The following UBE3C variants were observed in gnomAD, a reference collection of about 807,000 sequenced individuals.
UBE3C encodes the protein ubiquitin-protein ligase E3C.
UBE3C carries 42 observed loss-of-function variants against 129.4 expected under a neutral mutation model. The ratio of observed to expected loss-of-function variants is 0.32; its 90% CI spans 0.25 to 0.42. The LOEUF is 0.42. Ranked by LOEUF, UBE3C falls within the 10% of genes least tolerant of loss-of-function variation. The pLI is 1.00. For synonymous variants in UBE3C, 510 were observed against 492.4 expected (o/e 1.04, Z -0.47); for missense variants, 1,049 against 1,319.1 (o/e 0.80, Z 3.17).
chr7:157,253,912 A>T (rs1796679514), intron 19 of UBE3C, 42 bp from the exon 20 acceptor site: 1 of 1,518,878 alleles, frequency 6.6e-7, no homozygotes, highest in South Asian at 1.3e-5. Context: ...ACCTATTATC[A>T]TACTTTGAGG....
rs374453720 is a variant in UBE3C at position 157,254,200 on chromosome 7, T to C, written c.2884-44T>C. On this transcript the variant is annotated intron_variant, in intron 20 of 22. Transcript: ENST00000348165. ...TGTCACAGGAAATGAACAGGCTTTC[T>C]TAAAATTTACCTCAAATGTTATTAT... 443 of 1,607,714 alleles carry C rather than the reference T, an allele frequency of 2.8e-4. 5 individuals are homozygous for C. The Middle Eastern group carries it at 6.5e-3, about 23-fold the overall frequency.
intron 1 of UBE3C, among the ~76,000 whole-genome samples, chr7:157,139,844 G>A (rs1379265668): frequency 6.6e-6 from 1 of 152,258 alleles, no homozygotes; most frequent in African/African-American, 2.4e-5. Context: ...GTTGTAGAAG[G>A]TGAACGGCAC....
At chr7:157,194,818 T>C (rs1249891014) in intron 10 of UBE3C, among the ~76,000 whole-genome samples, 1 of 152,206 alleles carries the variant, frequency 6.6e-6, no homozygotes, top group African/African-American at 2.4e-5. Context: ...TAAAGCAGAA[T>C]TTTTAAGTGA....
At chr7:157,253,157 A>C in intron 19 of UBE3C, among the ~76,000 whole-genome samples, 1 of 152,234 alleles carries the variant, frequency 6.6e-6, no homozygotes, top group East Asian at 1.9e-4. Flanking sequence ...TTATGAATTC[A>C]TATAATCATG....
intron 14 of UBE3C, among the ~76,000 whole-genome samples, chr7:157,218,967 A>C (rs1381150605): frequency 1.3e-5 from 2 of 152,234 alleles, no homozygotes; most frequent in Non-Finnish European, 2.9e-5. Context: ...TCAAGCATTT[A>C]ACCCACCTTT....
intron 1 of UBE3C, among the ~76,000 whole-genome samples, chr7:157,148,777 C>T (rs927125574): frequency 6.3e-5 from 9 of 143,052 alleles, no homozygotes; most frequent in Non-Finnish European, 1.2e-4. Context: ...CTCACTGTGT[C>T]GCCCAGGCTG....
chr7:157,162,756 G>C (rs67286782), intron 1 of UBE3C, among the ~76,000 whole-genome samples: 6,974 of 151,662 alleles, frequency 0.046, 213 homozygotes, highest in Non-Finnish European at 0.071. Flanking sequence ...GTGCTCAAGT[G>C]ATTCTCCTGC....
intron 10 of UBE3C, chr7:157,197,733 T>G: frequency 1.2e-6 from 2 of 1,610,984 alleles, no homozygotes; most frequent in East Asian, 4.5e-5. Context: ...AGGACAAGAC[T>G]GTACAATAAA....
chr7:157,230,224 G>A (rs1017619945), intron 17 of UBE3C, among the ~76,000 whole-genome samples: 2 of 151,860 alleles, frequency 1.3e-5, no homozygotes, highest in Admixed American at 6.6e-5. Context: ...TTTACTCTTC[G>A]TAGCAAATTA....
chr7:157,230,688 C>A (rs1795998750), intron 17 of UBE3C, among the ~76,000 whole-genome samples: 1 of 131,056 alleles, frequency 7.6e-6, no homozygotes, highest in African/African-American at 2.7e-5. Context: ...GAGGCAGACC[C>A]CGTCTCAAAA....
At chr7:157,165,715 A>G (rs1808195345) in intron 2 of UBE3C, among the ~76,000 whole-genome samples, 1 of 152,000 alleles carries the variant, frequency 6.6e-6, no homozygotes, top group Non-Finnish European at 1.5e-5. Flanking sequence ...AAATACATCC[A>G]TTGACTTCGT....
chr7:157,250,209 TTTG>T (rs754565800), intron 19 of UBE3C, among the ~76,000 whole-genome samples: 117 of 152,120 alleles, frequency 7.7e-4, no homozygotes, highest in South Asian at 4.8e-3. Context: ...CATATGGGGC[TTTG>T]TTGTTGTTGT....
intron 1 of UBE3C, 88 bp downstream of exon 1, chr7:157,139,426 GACTCGGGGCCGA>G: frequency 7.9e-7 from 1 of 1,260,414 alleles, no homozygotes; most frequent in Non-Finnish European, 1.0e-6. Context: ...CTCGGGGCTG[GACTCGGGGCCGA>G]GACTTGGGGC....
intron 1 of UBE3C, among the ~76,000 whole-genome samples, chr7:157,140,185 A>G (rs746334672): frequency 2.2e-5 from 3 of 135,560 alleles, no homozygotes; most frequent in African/African-American, 5.7e-5. Flanking sequence ...CCTTCCCATC[A>G]TTTCTGAAAT....
intron 22 of UBE3C, among the ~76,000 whole-genome samples, chr7:157,260,739 A>C (rs931775917): frequency 6.6e-6 from 1 of 152,188 alleles, no homozygotes; most frequent in Non-Finnish European, 1.5e-5. Flanking sequence ...TCCCATCAAA[A>C]CACTGGAAGA....
intron 10 of UBE3C, among the ~76,000 whole-genome samples, chr7:157,195,644 G>A (rs1311575130): frequency 2.0e-5 from 3 of 152,204 alleles, no homozygotes; most frequent in African/African-American, 7.2e-5. Flanking sequence ...AGGTTCGCAA[G>A]TGCACAGATG....
intron 1 of UBE3C, among the ~76,000 whole-genome samples, chr7:157,146,125 G>T (rs1329556336): frequency 6.6e-6 from 1 of 152,010 alleles, no homozygotes; most frequent in Non-Finnish European, 1.5e-5. Flanking sequence ...AATTTTTGAA[G>T]TTTTTTTGTT....
intron 1 of UBE3C, among the ~76,000 whole-genome samples, chr7:157,142,063 C>G (rs1807468827): frequency 6.6e-6 from 1 of 152,146 alleles, no homozygotes; most frequent in African/African-American, 2.4e-5. Flanking sequence ...CTTGATATTG[C>G]AAGTCCTTTA....
chr7:157,139,237 C>T lies in UBE3C; in HGVS notation c.-36C>T, dbSNP rs758905242. The T allele has an allele frequency of 7.3e-5, 105 of 1,446,374 alleles. No individual in the cohort carries two copies. The highest frequency in any genetic ancestry group is 9.2e-5 in the Non-Finnish European group (101 of 1,096,172). The allele number at this position is 1,446,374 out of a possible 1,614,324, so 89.6% of individuals were successfully genotyped here. On this transcript the variant is annotated 5_prime_UTR_variant, in exon 1 of 23. Transcript: ENST00000348165. ...TGCCCCGCCCGCCCGGCTGCTTCCG[C>T]GGCGGCGCTGCCCGCACATGGGCTA...
Sources: allele counts gnomAD v4.1 joint callset (sites outside exome capture counted in the v4.1 genomes callset), GRCh38; gene constraint gnomAD v4.1.1; transcripts MANE v1.5; gene names NCBI Gene and HGNC (gene_info 2026-07-23, HGNC 2026-07-21).